CDKN2B-AS1: variants seen among roughly 807,000 people sequenced by gnomAD.
CDKN2B-AS1 encodes the protein CDKN2B and CDKN2A antisense cis and trans regulatory RNA 1, also known as CDKN2B antisense RNA 1 (non-protein coding).
At chr9:22,086,402 C>T (rs577436281) in intron 4 of CDKN2B-AS1, among the ~76,000 whole-genome samples, 11 of 152,202 alleles carry the variant, frequency 7.2e-5, no homozygotes, top group Non-Finnish European at 1.5e-4. Flanking sequence ...TATATCTAAC[C>T]TCAGTTTTTT....
chr9:22,126,512 G>T (rs532482741), intron 4 of CDKN2B-AS1, among the ~76,000 whole-genome samples: 1 of 151,426 alleles, frequency 6.6e-6, no homozygotes, highest in Admixed American at 6.6e-5. Flanking sequence ...TTCGAAAGAG[G>T]TGAACTAAGC....
chr9:22,069,394 T>C (rs1824196084), intron 4 of CDKN2B-AS1, among the ~76,000 whole-genome samples: 1 of 152,138 alleles, frequency 6.6e-6, no homozygotes, highest in South Asian at 2.1e-4. Flanking sequence ...AGTGACAAAA[T>C]TGTGCACTCA....
chr9:22,003,442 G>C, intron 1 of CDKN2B-AS1: 1 of 226,952 alleles, frequency 4.4e-6, no homozygotes, highest in Non-Finnish European at 8.8e-6. Context: ...TATTTCAAGG[G>C]ATAATTTTTC....
intron 4 of CDKN2B-AS1, among the ~76,000 whole-genome samples, chr9:22,083,405 C>T (rs1333040): frequency 0.59 from 89,922 of 152,000 alleles, 26,785 homozygotes; most frequent in Middle Eastern, 0.77. Context: ...GGTAAGAATG[C>T]TACCGCTGGG....
chr9:22,101,961 G>A (rs1308192089), intron 4 of CDKN2B-AS1, among the ~76,000 whole-genome samples: 1 of 152,130 alleles, frequency 6.6e-6, no homozygotes, highest in Non-Finnish European at 1.5e-5. Flanking sequence ...CTGTTGGAAG[G>A]ATCCGTTAGC....
intron 4 of CDKN2B-AS1, among the ~76,000 whole-genome samples, chr9:22,096,666 C>G (rs1825286857): frequency 6.6e-6 from 1 of 152,188 alleles, no homozygotes; most frequent in African/African-American, 2.4e-5. Flanking sequence ...GGCCACCTCT[C>G]CAATTTTTCA....
At chr9:22,092,789 A>AT (rs949632704) in intron 4 of CDKN2B-AS1, among the ~76,000 whole-genome samples, 69 of 151,940 alleles carry the variant, frequency 4.5e-4, no homozygotes, top group African/African-American at 1.5e-3. Context: ...GGATTCATTG[A>AT]TTTTTTTGGA....
At chr9:22,010,005 T>A (rs2069416) in intron 1 of CDKN2B-AS1, among the ~76,000 whole-genome samples, 47,306 of 152,054 alleles carry the variant, frequency 0.31, 8,076 homozygotes, top group East Asian at 0.58. Context: ...AAATTATACT[T>A]TAAGAATCTG....
rs147649587 is a variant in CDKN2B-AS1, at chr9:22,021,063, G to A, written n.30-25688G>A. Among the ~76,000 whole-genome samples, 585 of 152,262 alleles carry A rather than the reference G, an allele frequency of 3.8e-3. 7 individuals carry two copies. Among genetic ancestry groups the A allele is most frequent in the African/African-American group, 0.013 (549 of 41,550 alleles). On this transcript the variant is annotated intron_variant and non_coding_transcript_variant, in intron 1 of 4. Transcript: ENST00000650946. ...AGTTAAGTTTTGTATATGGTGTAAG[G>A]AAGGGGTCCAGATTTAATCTTCTGC...
chr9:22,033,914 G>A lies in CDKN2B-AS1; in HGVS notation n.30-12837G>A, dbSNP rs548871606. Among the ~76,000 whole-genome samples, 14 of 152,236 alleles carry A rather than the reference G, an allele frequency of 9.2e-5. No homozygotes were observed. In the South Asian group the frequency reaches 2.9e-3, roughly 32 times the overall value. ...AAACCAACTACATTTATATTGCATT[G>A]AGGCTTAAAGTGGTTTACTGACTTG... On this transcript the variant is annotated intron_variant and non_coding_transcript_variant, in intron 1 of 4. Transcript: ENST00000650946.
chr9:22,125,177 G>A (rs750510327), intron 4 of CDKN2B-AS1, among the ~76,000 whole-genome samples: 1 of 152,094 alleles, frequency 6.6e-6, no homozygotes, highest in Non-Finnish European at 1.5e-5. Context: ...AATGCCTTTG[G>A]CTATCAGGAA....
At chr9:22,121,394 T>C (rs563923078) in intron 4 of CDKN2B-AS1, among the ~76,000 whole-genome samples, 1 of 152,120 alleles carries the variant, frequency 6.6e-6, no homozygotes, top group Admixed American at 6.5e-5. Flanking sequence ...ACAAAATTCA[T>C]AGGGTACATA....
At chr9:22,110,392 G>A (rs987512356) in intron 4 of CDKN2B-AS1, among the ~76,000 whole-genome samples, 2 of 152,118 alleles carry the variant, frequency 1.3e-5, no homozygotes, top group African/African-American at 4.8e-5. Context: ...ATTTCTAATA[G>A]GACTGTGGAT....
intron 1 of CDKN2B-AS1, among the ~76,000 whole-genome samples, chr9:22,024,213 G>T (rs74680853): frequency 6.6e-6 from 1 of 152,136 alleles, no homozygotes; most frequent in African/African-American, 2.4e-5. Context: ...GGGGGCCATC[G>T]TTCACCTCCC....
chr9:22,063,739 G>C (rs1346932647), intron 4 of CDKN2B-AS1, among the ~76,000 whole-genome samples: 5 of 152,186 alleles, frequency 3.3e-5, no homozygotes, highest in Non-Finnish European at 7.3e-5. Flanking sequence ...TTTGGGAAAG[G>C]CTAGTGGCCT....
At chr9:22,038,518 G>A (rs929933971) in intron 1 of CDKN2B-AS1, among the ~76,000 whole-genome samples, 4 of 151,920 alleles carry the variant, frequency 2.6e-5, no homozygotes, top group Non-Finnish European at 5.9e-5. Flanking sequence ...AGAGAGTATA[G>A]CACAAATATC....
At chr9:22,071,016 T>G (rs1824265559) in intron 4 of CDKN2B-AS1, among the ~76,000 whole-genome samples, 1 of 152,104 alleles carries the variant, frequency 6.6e-6, no homozygotes, top group Admixed American at 6.6e-5. Context: ...TAGGTCCTGG[T>G]GATGTGATTC....
chr9:22,001,553 A>G lies in CDKN2B-AS1; in HGVS notation n.29+6392A>G, dbSNP rs895465253. 6.6e-6 allele frequency among the ~76,000 whole-genome samples: 1 copy of G among 152,186 alleles called. No individual in the cohort carries two copies. The highest frequency in any genetic ancestry group is 1.5e-5 in the Non-Finnish European group (1 of 67,994). ...ATTAATTTTCATTACTGTGCTTAAT[A>G]TACAATCCATGCCAATTACATATTA... On this transcript the variant is annotated intron_variant and non_coding_transcript_variant, in intron 1 of 4. Coordinates refer to ENST00000650946, the Ensembl canonical transcript of CDKN2B-AS1. This position sits in a 1 kb window ranked among gnomAD's most constrained non-coding sequence, Gnocchi z 4.2.
At position 22,098,137 on chromosome 9, in the gene CDKN2B-AS1, A is replaced by G. The variant is rs144587254; in HGVS notation, n.439-28966A>G. Among the ~76,000 whole-genome samples the G allele has an allele frequency of 4.1e-3, 615 of 149,698 alleles. 6 individuals are homozygous for G. Among genetic ancestry groups the G allele is most frequent in the African/African-American group, 0.015 (577 of 39,478 alleles). ...ACAGAATGTTGATAATGTAGATGGAATATCTTTCTCTCTCTGTCTCTGTGT... is the reference window on the plus strand; with the variant it reads ...ACAGAATGTTGATAATGTAGATGGAGTATCTTTCTCTCTCTGTCTCTGTGT... On this transcript the variant is annotated intron_variant and non_coding_transcript_variant, in intron 4 of 4. Transcript: ENST00000650946.
Sources: gnomAD v4.1 joint callset for allele counts (sites outside exome capture counted in the v4.1 genomes callset) on GRCh38, gnomAD v4.1.1 for gene constraint, Gnocchi (gnomAD v3.1) non-coding constraint, MANE v1.5 for transcripts, NCBI Gene and HGNC (gene_info 2026-07-23, HGNC 2026-07-21) for gene names.